NLRP1: variants seen among roughly 807,000 people sequenced by gnomAD.
The protein encoded by NLRP1 is NACHT, LRR and PYD domains-containing protein 1.
In NLRP1, 94 loss-of-function variants were observed where a neutral mutation model predicts 136.7. That is an observed-to-expected ratio of 0.69 (90% CI 0.58 to 0.82). The LOEUF (loss-of-function observed/expected upper bound fraction) is 0.82. Among genes scored for constraint, NLRP1 ranks in the 40% least tolerant of loss-of-function variants. NLRP1 has a pLI of 0.00. For synonymous variants in NLRP1, 690 were observed against 725.1 expected, an observed-to-expected ratio of 0.95 and a Z score of 0.78; for missense variants, 1,575 against 1,802.7, an observed-to-expected ratio of 0.87 and a Z score of 2.29.
intron 15 of NLRP1, among the ~76,000 whole-genome samples, chr17:5,516,413 G>A (rs553232773): frequency 2.6e-5 from 4 of 152,182 alleles, no homozygotes; most frequent in Non-Finnish European, 5.9e-5. Flanking sequence ...TGCATAACAA[G>A]AGTCATCAGG....
intron 4 of NLRP1, 37 bp from the exon 5 acceptor site, chr17:5,553,593 T>G: frequency 6.3e-7 from 1 of 1,591,522 alleles, no homozygotes; most frequent in Non-Finnish European, 8.6e-7. Context: ...AGATGTGATG[T>G]GTCTGGCAGG....
chr17:5,535,721 C>T (rs1467984900), intron 8 of NLRP1, among the ~76,000 whole-genome samples: 2 of 152,208 alleles, frequency 1.3e-5, no homozygotes, highest in Non-Finnish European at 1.5e-5. Flanking sequence ...GAATAAATGG[C>T]TCCTCTTAAG....
At chr17:5,531,312 C>T (rs1046843819) in intron 11 of NLRP1, among the ~76,000 whole-genome samples, 3 of 152,078 alleles carry the variant, frequency 2.0e-5, no homozygotes, top group Admixed American at 2.0e-4. Context: ...AAATCCCTGG[C>T]TTAGGCAATT....
chr17:5,549,325 T>C (rs1196876836), intron 5 of NLRP1, among the ~76,000 whole-genome samples: 1 of 152,016 alleles, frequency 6.6e-6, no homozygotes, highest in Admixed American at 6.6e-5. Context: ...GTCACCCAGG[T>C]TGGAGTGCAG....
chr17:5,564,120 T>C (rs1046285767), intron 3 of NLRP1, among the ~76,000 whole-genome samples: 34 of 152,240 alleles, frequency 2.2e-4, no homozygotes, highest in African/African-American at 7.2e-4. Context: ...GATGGTTTGA[T>C]ACAAGTAAGC....
chr17:5,524,252 C>T (rs1909260272), intron 12 of NLRP1, among the ~76,000 whole-genome samples: 1 of 152,200 alleles, frequency 6.6e-6, no homozygotes. Flanking sequence ...AACACCTTTT[C>T]CTATTTTTAT....
chr17:5,532,913 G>A lies in NLRP1; in HGVS notation c.3205C>T (p.His1069Tyr), dbSNP rs9907167. ...TCGTCAGTCCCCAAAGGCTTCGTAT[G>A]CAGGTCCCCTTGAGAGGCAGGAGAA... ...VPSPASQGDLHTKPLGTDDDF... is the reference protein window; with the variant it reads ...VPSPASQGDLYTKPLGTDDDF... Residue 1069 changes from histidine (H) to tyrosine (Y), a missense_variant, in exon 11 of 17, where the codon CAT becomes TAT. Coordinates refer to ENST00000572272, the MANE Select transcript of NLRP1 (RefSeq NM_033004.4). 1.1e-3 allele frequency: 1,835 copies of A among 1,613,994 alleles called. 25 individuals carry two copies. The African/African-American group carries it at 0.018, about 16-fold the overall frequency.
chr17:5,584,088 A>T lies in NLRP1; in HGVS notation c.-131T>A. 1.1e-6 allele frequency: 1 copy of T among 910,026 alleles called. No homozygotes were observed. The highest frequency in any genetic ancestry group is 2.6e-5 in the East Asian group (1 of 37,894). 56.4% of individuals were successfully genotyped at this position (910,026 alleles called of 1,614,324 possible). ...TATTCAGCATTCGGAACCCAGTTTTATAAATCCCAGGGCACCTACAGATAG... is the reference window on the plus strand; with the variant it reads ...TATTCAGCATTCGGAACCCAGTTTTTTAAATCCCAGGGCACCTACAGATAG... On this transcript the variant is annotated 5_prime_UTR_variant, in exon 1 of 17. Coordinates refer to ENST00000572272, the MANE Select transcript of NLRP1 (RefSeq NM_033004.4).
chr17:5,515,472 C>T lies in NLRP1; in HGVS notation c.4102+1G>A, dbSNP rs1414358957. ...TGTGGTCTCTGAGAGCTGTTACTGA[C>T]CTATGCGGGCTGGAGGGATCAGAGT... is the stretch of plus-strand genomic sequence containing the variant. On this transcript the variant is annotated splice_donor_variant, in intron 16 of 16. Coordinates refer to ENST00000572272, the MANE Select transcript of NLRP1 (RefSeq NM_033004.4). LOFTEE classifies it high-confidence loss of function. 1.2e-6 allele frequency: 2 copies of T among 1,612,712 alleles called. No individual in the cohort carries two copies. Among genetic ancestry groups the T allele is most frequent in the Non-Finnish European group, 1.7e-6 (2 of 1,178,812 alleles).
In NLRP1 at chr17:5,558,402, T is replaced by G; in HGVS notation, c.2294A>C (p.Lys765Thr). 1 of 1,614,114 alleles carries G rather than the reference T, an allele frequency of 6.2e-7. No homozygotes were observed. The highest frequency in any genetic ancestry group is 2.2e-5 in the East Asian group (1 of 44,868). Reference sequence around the variant, plus strand: ...CCTGCCCTCAATCAGCTGAAGCTTCTTCACGTGGCGGCTGAATTTAATGCA... The same window carrying G: ...CCTGCCCTCAATCAGCTGAAGCTTCGTCACGTGGCGGCTGAATTTAATGCA... ...TFCIKFSRHV[K>T]KLQLIEGRQH... Residue 765 changes from lysine to threonine, a missense_variant, in exon 4 of 17, where the codon AAG becomes ACG. Lys to Thr is a moderately conservative substitution (Grantham distance 78). Coordinates refer to ENST00000572272, the MANE Select transcript of NLRP1 (RefSeq NM_033004.4).
intron 3 of NLRP1, 59 bp downstream of exon 3, chr17:5,581,800 T>C: frequency 3.6e-6 from 5 of 1,378,138 alleles, no homozygotes; most frequent in Middle Eastern, 5.0e-4. Context: ...GGGGACTCTT[T>C]GTCCATACAT....
rs533580849 is a variant in NLRP1, at chr17:5,536,108, AG to A, written c.2960+742del. Among the ~76,000 whole-genome samples the A allele has an allele frequency of 2.6e-5, 4 of 151,902 alleles. No individual in the cohort carries two copies. The South Asian group carries it at 8.3e-4, about 32-fold the overall frequency. On this transcript the variant is annotated intron_variant, in intron 8 of 16. Coordinates refer to ENST00000572272, the MANE Select transcript of NLRP1 (RefSeq NM_033004.4). ...TTTGGTATCATGCTGTGCTGGGTCC[AG>A]GGGATTCGCTGGCTCACCCACCCAC...
Position 5,541,721 on chromosome 17 carries a change from ACT to A in NLRP1, c.2699+134_2699+135del. 1 of 840,766 alleles carries A rather than the reference ACT, an allele frequency of 1.2e-6. No homozygotes were observed. The highest frequency in any genetic ancestry group is 1.9e-6 in the Non-Finnish European group (1 of 537,914). The allele number at this position is 840,766 out of a possible 1,614,324, so 52.1% of individuals were successfully genotyped here. The stretch of plus-strand genomic sequence containing the variant: ...TGGATGAGCTTCCTCCTGAGCCTCT[ACT>A]GCCTGGCTGAGATCCTGTAGGCTCC... On this transcript the variant is annotated intron_variant, in intron 6 of 16. Coordinates refer to ENST00000572272, the MANE Select transcript of NLRP1 (RefSeq NM_033004.4). This position sits in a 1 kb window ranked among gnomAD's most constrained non-coding sequence, Gnocchi z 4.2.
At chr17:5,517,616 G>T (rs1908326819) in intron 15 of NLRP1, 130 bp downstream of exon 15, 1 of 1,034,978 alleles carries the variant, frequency 9.7e-7, no homozygotes, top group African/African-American at 1.6e-5. Flanking sequence ...TTGAACTCCT[G>T]ACCTTGTGAT....
intron 10 of NLRP1, 146 bp downstream of exon 10, chr17:5,533,158 C>T: frequency 6.8e-7 from 1 of 1,460,896 alleles, no homozygotes; most frequent in Non-Finnish European, 9.1e-7. Flanking sequence ...CTGGGGAGCC[C>T]CACTCCAGTG....
At chr17:5,515,247 T>TG (rs1270817990) in intron 16 of NLRP1, among the ~76,000 whole-genome samples, 174 bp from the exon 17 acceptor site, 1 of 151,842 alleles carries the variant, frequency 6.6e-6, no homozygotes, top group Non-Finnish European at 1.5e-5. Context: ...GGATCGGGAG[T>TG]GGGGTTCCTG....
At position 5,539,416 on chromosome 17, in the gene NLRP1, C is replaced by T. The variant is rs377182366; in HGVS notation, c.2869G>A (p.Gly957Arg). 3 of 1,611,414 alleles carry T rather than the reference C, an allele frequency of 1.9e-6. No homozygotes were observed. The highest frequency in any genetic ancestry group is 2.5e-6 in the Non-Finnish European group (3 of 1,178,656). Residue 957 changes from glycine to arginine, a missense_variant and splice_region_variant, in exon 7 of 17, where the codon GGG (glycine) becomes AGG (arginine). Transcript: ENST00000572272. ...CAGAAGGGACCCACAGGGCCTTACC[C>T]CAGGCGTATGAGTTTGCAGGCAGGA... ...RHPACKLIRL[G>R]LDQTTLSDEM...
intron 4 of NLRP1, among the ~76,000 whole-genome samples, chr17:5,556,943 T>C (rs1914160223): frequency 6.6e-6 from 1 of 151,934 alleles, no homozygotes; most frequent in Non-Finnish European, 1.5e-5. Flanking sequence ...TGATGGTTAT[T>C]ACAGAATGAT....
chr17:5,545,128 A>C (rs1228225262), intron 5 of NLRP1, among the ~76,000 whole-genome samples: 1 of 152,042 alleles, frequency 6.6e-6, no homozygotes, highest in Non-Finnish European at 1.5e-5. Flanking sequence ...TCCAGCCAGG[A>C]ATTTAAGGTC....
Sources: gnomAD v4.1 joint callset for allele counts (sites outside exome capture counted in the v4.1 genomes callset) on GRCh38, gnomAD v4.1.1 for gene constraint, Gnocchi (gnomAD v3.1) non-coding constraint, MANE v1.5 for transcripts, NCBI Gene and HGNC (gene_info 2026-07-23, HGNC 2026-07-21) for gene names.